The following BARD1 variants were observed in gnomAD, a reference collection of about 807,000 sequenced individuals.
BARD1 encodes BRCA1-associated RING domain protein 1.
A neutral mutation model predicts 77.0 loss-of-function variants in BARD1; 73 were observed. The observed-to-expected ratio is 0.95, with a 90% CI of 0.79 to 1.15. The LOEUF (loss-of-function observed/expected upper bound fraction) is 1.15, where lower values mean the gene tolerates loss of function less well. Among genes scored for constraint, BARD1 ranks in the 50% most tolerant of loss-of-function variants. The pLI, the probability that BARD1 is intolerant of heterozygous loss-of-function variation, is 0.00. For missense variants in BARD1, 993 were observed against 938.8 expected, an observed-to-expected ratio of 1.06 and a Z score of -0.75; for synonymous variants, 384 against 338.0, an observed-to-expected ratio of 1.14 and a Z score of -1.49.
At chr2:214,747,279 T>C (rs1162999232) in intron 7 of BARD1, among the ~76,000 whole-genome samples, 1 of 151,136 alleles carries the variant, frequency 6.6e-6, no homozygotes, top group Admixed American at 6.6e-5. Flanking sequence ...TAGTTCAACC[T>C]TTGTGGAAGT....
chr2:214,733,504 C>T (rs940910585), intron 9 of BARD1, among the ~76,000 whole-genome samples: 61 of 152,134 alleles, frequency 4.0e-4, no homozygotes, highest in African/African-American at 1.5e-3. Context: ...TAGTATTTTA[C>T]AGCATTTTGG....
rs774009993 is a variant in BARD1, at chr2:214,797,103, C to T, written c.173G>A (p.Arg58Lys). 27 of 1,612,918 alleles carry T rather than the reference C, an allele frequency of 1.7e-5. No individual in the cohort carries two copies. Among genetic ancestry groups the T allele is most frequent in the Non-Finnish European group, 2.3e-5 (27 of 1,179,198 alleles). ...LRCSRCTNIL[R>K]EPVCLGGCEH... The stretch of plus-strand genomic sequence containing the variant: ...ACATCCTCCTAAACACACAGGCTCT[C>T]TCAGAATGTTAGTACTGTTTGAAGA... The change falls in exon 2 of 11, where the codon AGA becomes AAA. Residue 58 changes from arginine to lysine, a missense_variant. Physicochemically the swap from Arg to Lys is conservative, Grantham distance 26 (BLOSUM62 2). Coordinates refer to ENST00000260947, the MANE Select transcript of BARD1 (RefSeq NM_000465.4).
At position 214,800,264 on chromosome 2, in the gene BARD1, T is replaced by C. The variant is rs77996203; in HGVS notation, c.159-3147A>G. Among the ~76,000 whole-genome samples, 321 of 152,322 alleles carry C rather than the reference T, an allele frequency of 2.1e-3. 2 individuals carry two copies. The highest frequency in any genetic ancestry group is 7.1e-3 in the African/African-American group (297 of 41,576). On this transcript the variant is annotated intron_variant, in intron 1 of 10. Coordinates refer to ENST00000260947, the MANE Select transcript of BARD1 (RefSeq NM_000465.4). Reference sequence around the variant, plus strand: ...TTATTCTAATTAGTGAGTTAGAATATATATTTGTGTTGCTGTTAACGGATA... The same window carrying C: ...TTATTCTAATTAGTGAGTTAGAATACATATTTGTGTTGCTGTTAACGGATA...
Position 214,809,604 on chromosome 2 carries a change from CG to C in BARD1, c.-36del, listed in dbSNP as rs757568347. ...TTCGGATGAAAGGCTCCTCGCAGAG[CG>C]GGAAGCAAGGAAGCCTCGGGAAACC... On this transcript the variant is annotated 5_prime_UTR_variant, in exon 1 of 11. Coordinates refer to ENST00000260947, the MANE Select transcript of BARD1 (RefSeq NM_000465.4). 2.0e-6 allele frequency: 3 copies of C among 1,526,240 alleles called. No individual in the cohort carries two copies. Among genetic ancestry groups the C allele is most frequent in the Non-Finnish European group, 2.6e-6 (3 of 1,138,886 alleles). The allele number at this position is 1,526,240 out of a possible 1,614,324, so 94.5% of individuals were successfully genotyped here. A position where few individuals can be genotyped will look rare whatever the true frequency, so the allele number is the denominator to read the frequency against.
Position 214,725,710 on chromosome 2 carries a change from TAAAG to T in BARD1, c.*2962_*2965del. 4.5e-6 allele frequency: 1 copy of T among 222,824 alleles called. No individual in the cohort carries two copies. The highest frequency in any genetic ancestry group is 2.2e-5 in the African/African-American group (1 of 44,898). 13.8% of individuals were successfully genotyped at this position (222,824 alleles called of 1,614,324 possible). A position where few individuals can be genotyped will look rare whatever the true frequency, so the allele number is the denominator to read the frequency against. On this transcript the variant is annotated 3_prime_UTR_variant, in exon 11 of 11. Coordinates refer to ENST00000260947, the MANE Select transcript of BARD1 (RefSeq NM_000465.4). ...CGTATCTTTGAAAAGGGTTGACTTA[TAAAG>T]AAATACATGAAGTTTACAATCTGTA... is the stretch of plus-strand genomic sequence containing the variant.
intron 3 of BARD1, among the ~76,000 whole-genome samples, chr2:214,788,938 G>C (rs1014539733): frequency 3.3e-5 from 5 of 151,958 alleles, no homozygotes; most frequent in African/African-American, 1.2e-4. Flanking sequence ...AAATGTTCCA[G>C]AAAAAAATCT....
intron 9 of BARD1, among the ~76,000 whole-genome samples, chr2:214,742,537 G>A (rs1427957702): frequency 6.6e-6 from 1 of 152,054 alleles, no homozygotes; most frequent in Non-Finnish European, 1.5e-5. Flanking sequence ...CTTCAGTAAG[G>A]GATTCCATCC....
chr2:214,808,760 T>A (rs575390104), intron 1 of BARD1, among the ~76,000 whole-genome samples: 15 of 152,262 alleles, frequency 9.9e-5, no homozygotes, highest in Admixed American at 1.3e-4. Context: ...AGGACTCCCA[T>A]AATGTGACAG....
At chr2:214,755,717 T>A (rs1364015237) in intron 6 of BARD1, among the ~76,000 whole-genome samples, 1 of 152,154 alleles carries the variant, frequency 6.6e-6, no homozygotes, top group East Asian at 1.9e-4. Context: ...CTAGGCACTG[T>A]GTGCTCATGT....
Position 214,730,403 on chromosome 2 carries a change from A to C in BARD1, c.2001+8T>G. On this transcript the variant is annotated splice_region_variant and intron_variant, in intron 10 of 10. Coordinates refer to ENST00000260947, the MANE Select transcript of BARD1 (RefSeq NM_000465.4). The stretch of plus-strand genomic sequence containing the variant: ...AGAACAATGAAAGTTGTATTAAAAG[A>C]AAAATACCAGCTGTTCTCTGTTGAG... The C allele has an allele frequency of 1.9e-6, 3 of 1,610,722 alleles. No homozygotes were observed.
At chr2:214,774,630 TCCACTTCAAGTCA>T (rs1694659666) in intron 4 of BARD1, among the ~76,000 whole-genome samples, 1 of 152,310 alleles carries the variant, frequency 6.6e-6, no homozygotes, top group Non-Finnish European at 1.5e-5. Context: ...AGCATTGGCT[TCCACTTCAAGTCA>T]CCAGCTGCAT....
intron 2 of BARD1, among the ~76,000 whole-genome samples, chr2:214,795,577 G>T (rs1324974846): frequency 6.6e-6 from 1 of 152,134 alleles, no homozygotes; most frequent in Non-Finnish European, 1.5e-5. Context: ...GCCAAAAAGG[G>T]AAGACCAGCT....
chr2:214,779,573 A>C (rs374573860), intron 4 of BARD1, among the ~76,000 whole-genome samples: 6 of 152,164 alleles, frequency 3.9e-5, no homozygotes, highest in Admixed American at 6.6e-5. Flanking sequence ...AGTTTATGCT[A>C]TTCCCTTTCT....
chr2:214,735,685 A>AGT (rs1039023399), intron 9 of BARD1, among the ~76,000 whole-genome samples: 6 of 152,186 alleles, frequency 3.9e-5, no homozygotes, highest in Non-Finnish European at 8.8e-5. Flanking sequence ...AATATAACTT[A>AGT]GTGGTACACA....
At chr2:214,730,232 T>C in intron 10 of BARD1, 179 bp downstream of exon 10, 1 of 626,656 alleles carries the variant, frequency 1.6e-6, no homozygotes, top group Non-Finnish European at 2.8e-6. Flanking sequence ...ATGAAATTAT[T>C]ACCTTCTGGA....
At chr2:214,774,964 C>G (rs1444926840) in intron 4 of BARD1, among the ~76,000 whole-genome samples, 2 of 152,164 alleles carry the variant, frequency 1.3e-5, no homozygotes, top group Non-Finnish European at 2.9e-5. Flanking sequence ...CTCTCTCAGT[C>G]TTCACAGAAT....
At chr2:214,762,565 C>A (rs1412190879) in intron 6 of BARD1, among the ~76,000 whole-genome samples, 1 of 152,072 alleles carries the variant, frequency 6.6e-6, no homozygotes, top group Non-Finnish European at 1.5e-5. Flanking sequence ...AATCTACCGA[C>A]AAGAAGTGAA....
At chr2:214,729,278 C>A (rs1176199593) in intron 10 of BARD1, among the ~76,000 whole-genome samples, 1 of 152,160 alleles carries the variant, frequency 6.6e-6, no homozygotes, top group African/African-American at 2.4e-5. Flanking sequence ...TATACAATAT[C>A]TTCAGTAATT....
chr2:214,730,424 T>C lies in BARD1; in HGVS notation c.1988A>G (p.Asn663Ser), dbSNP rs187590361. The C allele has an allele frequency of 2.5e-6, 4 of 1,613,544 alleles. No homozygotes were observed. The East Asian group carries it at 6.7e-5, about 27-fold the overall frequency. Reference protein sequence around the residue: ...IPEGPRRSRLNREQLLPKLFD... With the variant: ...IPEGPRRSRLSREQLLPKLFD... ...AAAGAAAAATACCAGCTGTTCTCTG[T>C]TGAGCCTGCTTCTGCGTGGACCTTC... Residue 663 changes from asparagine to serine, a missense_variant, in exon 10 of 11, where the codon AAC becomes AGC. Transcript: ENST00000260947.
Sources: gnomAD v4.1 joint callset for allele counts (sites outside exome capture counted in the v4.1 genomes callset) on GRCh38, gnomAD v4.1.1 for gene constraint, MANE v1.5 for transcripts, NCBI Gene and HGNC (gene_info 2026-07-23, HGNC 2026-07-21) for gene names.